NRG1: variants seen among roughly 807,000 people sequenced by gnomAD.
The protein encoded by NRG1 is pro-neuregulin-1, membrane-bound isoform.
NRG1 carries 18 observed loss-of-function variants against 63.8 expected under a neutral mutation model. The observed-to-expected ratio is 0.28, with a 90% CI of 0.19 to 0.42. The LOEUF is 0.42. NRG1 is among the 10% of genes least tolerant of loss of function. The probability of loss-of-function intolerance (pLI) is 1.00; values close to 1 mark genes in which losing one functional copy is unlikely to be tolerated. For synonymous variants in NRG1, 302 were observed against 301.3 expected (o/e 1.00, Z -0.02); for missense variants, 762 against 814.7 (o/e 0.94, Z 0.79).
intron 1 of NRG1, among the ~76,000 whole-genome samples, chr8:31,696,130 C>G (rs1031787092): frequency 6.6e-5 from 10 of 152,186 alleles, no homozygotes; most frequent in Non-Finnish European, 1.5e-4. Flanking sequence ...TGCAGTGGTG[C>G]TATCTTGGCT....
At chr8:32,280,338 G>C (rs1852568309) in intron 1 of NRG1, among the ~76,000 whole-genome samples, 1 of 152,168 alleles carries the variant, frequency 6.6e-6, no homozygotes, top group Admixed American at 6.5e-5. Context: ...AATTAAATGA[G>C]ATCTTTGAAA....
chr8:31,738,498 A>G (rs1234173460), intron 1 of NRG1, among the ~76,000 whole-genome samples: 4 of 152,082 alleles, frequency 2.6e-5, no homozygotes, highest in African/African-American at 9.7e-5. Context: ...GGCTTTTCTG[A>G]ACTGGGTATG....
chr8:32,717,443 T>G (rs1819531210), intron 5 of NRG1, among the ~76,000 whole-genome samples: 2 of 152,162 alleles, frequency 1.3e-5, no homozygotes, highest in African/African-American at 4.8e-5. Flanking sequence ...AATAACACAA[T>G]GTATTACAGG....
At chr8:32,540,799 C>G (rs1832497564) in intron 1 of NRG1, among the ~76,000 whole-genome samples, 1 of 152,160 alleles carries the variant, frequency 6.6e-6, no homozygotes, top group African/African-American at 2.4e-5. Context: ...TAGGTAGTTT[C>G]CATCTTGCAC....
chr8:32,752,216 G>A (rs1451103996), intron 7 of NRG1, among the ~76,000 whole-genome samples: 1 of 152,124 alleles, frequency 6.6e-6, no homozygotes, highest in African/African-American at 2.4e-5. Context: ...TGGGGTGACA[G>A]CTTTGCTTCT....
chr8:32,764,225 A>T (rs1831216279), exon 12 of NRG1: 1 of 1,614,138 alleles, frequency 6.2e-7, no homozygotes, highest in Admixed American at 1.7e-5. Context: ...ATGAAAGAGT[A>T]GGTGAAGATA....
intron 1 of NRG1, among the ~76,000 whole-genome samples, chr8:32,206,344 A>G (rs16878965): frequency 0.12 from 18,566 of 152,132 alleles, 1,173 homozygotes; most frequent in East Asian, 0.25. Context: ...CATGGAGCCT[A>G]TGCCACTAAA....
At chr8:32,340,121 A>G (rs1210404342) in intron 1 of NRG1, among the ~76,000 whole-genome samples, 2 of 152,220 alleles carry the variant, frequency 1.3e-5, no homozygotes, top group Non-Finnish European at 2.9e-5. Flanking sequence ...ACTACTGCAC[A>G]ATGTCAAGAG....
chr8:31,987,167 G>A (rs1219888521), intron 1 of NRG1, among the ~76,000 whole-genome samples: 4 of 151,710 alleles, frequency 2.6e-5, no homozygotes, highest in South Asian at 2.1e-4. Context: ...GCATGGTGGA[G>A]GCTGTGCTTG....
chr8:32,765,804 C>T (rs542509974), exon 12 of NRG1: 6 of 152,246 alleles, frequency 3.9e-5, no homozygotes, highest in South Asian at 4.1e-4. Context: ...TTAATTTTTG[C>T]TTTACTGTCA....
intron 1 of NRG1, among the ~76,000 whole-genome samples, chr8:31,861,190 C>T (rs1412258217): frequency 6.6e-6 from 1 of 152,052 alleles, no homozygotes; most frequent in African/African-American, 2.4e-5. Flanking sequence ...GAAAGGGTGC[C>T]CCAGCTAGGG....
At chr8:32,056,527 C>G (rs2130866824) in intron 1 of NRG1, among the ~76,000 whole-genome samples, 1 of 152,246 alleles carries the variant, frequency 6.6e-6, no homozygotes, top group African/African-American at 2.4e-5. Flanking sequence ...TTCAGCCTTC[C>G]AGCCCTAGAA....
At chr8:31,859,126 G>A (rs911722615) in intron 1 of NRG1, among the ~76,000 whole-genome samples, 2 of 152,120 alleles carry the variant, frequency 1.3e-5, no homozygotes, top group African/African-American at 2.4e-5. Flanking sequence ...TAAAATTCAT[G>A]ATCTAAAACC....
chr8:31,777,367 G>A (rs1378662713), intron 1 of NRG1, among the ~76,000 whole-genome samples: 1 of 152,198 alleles, frequency 6.6e-6, no homozygotes, highest in Non-Finnish European at 1.5e-5. Flanking sequence ...AGCTGTTGTT[G>A]GACCCAATGT....
At chr8:32,073,108 GAT>G (rs2131056187) in intron 1 of NRG1, among the ~76,000 whole-genome samples, 1 of 152,282 alleles carries the variant, frequency 6.6e-6, no homozygotes, top group South Asian at 2.1e-4. Context: ...TATCTCTGAA[GAT>G]ATTCCATTGA....
At chr8:32,123,484 C>G (rs1473021370) in intron 1 of NRG1, among the ~76,000 whole-genome samples, 1 of 151,750 alleles carries the variant, frequency 6.6e-6, no homozygotes, top group Admixed American at 6.6e-5. Flanking sequence ...TCAATTAAAC[C>G]TCTTTCCTTT....
intron 1 of NRG1, chr8:31,639,776 T>G: frequency 7.7e-7 from 1 of 1,302,292 alleles, no homozygotes; most frequent in Admixed American, 3.9e-5. Flanking sequence ...CTTATACCTC[T>G]TCGCCTTTCT....
intron 1 of NRG1, among the ~76,000 whole-genome samples, chr8:32,255,085 T>A (rs1000319450): frequency 3.3e-5 from 5 of 152,226 alleles, no homozygotes; most frequent in Non-Finnish European, 7.3e-5. Context: ...CCTGTGTGTG[T>A]CTTTGCACGT....
intron 1 of NRG1, among the ~76,000 whole-genome samples, chr8:32,090,176 G>A (rs532758692): frequency 3.9e-5 from 6 of 152,158 alleles, no homozygotes; most frequent in Non-Finnish European, 7.3e-5. Context: ...AATGCTGATA[G>A]AATCATACCT....
Sources: gnomAD v4.1 joint callset for allele counts (sites outside exome capture counted in the v4.1 genomes callset) on GRCh38, gnomAD v4.1.1 for gene constraint, MANE v1.5 for transcripts, NCBI Gene and HGNC (gene_info 2026-07-23, HGNC 2026-07-21) for gene names.